Variants in CTNND2 observed in about 807,000 individuals in gnomAD.
CTNND2 encodes the protein catenin delta 2, also known as catenin delta-2.
In CTNND2, 22 loss-of-function variants were observed where a neutral mutation model predicts 144.4. That is an observed-to-expected ratio of 0.15 (90% CI 0.11 to 0.22). CTNND2 has a LOEUF of 0.22. Ranked by LOEUF, CTNND2 falls within the 10% of genes least tolerant of loss-of-function variation. The pLI is 1.00. For synonymous variants in CTNND2, 751 were observed against 695.6 expected (o/e 1.08, Z -1.25); for missense variants, 1,353 against 1,618.8 (o/e 0.84, Z 2.82).
intron 2 of CTNND2, among the ~76,000 whole-genome samples, chr5:11,668,900 A>C (rs1401487615): frequency 6.6e-6 from 1 of 151,952 alleles, no homozygotes; most frequent in Non-Finnish European, 1.5e-5. Flanking sequence ...TGGCTGTCGG[A>C]TTACCATAAA....
At chr5:11,696,433 G>C (rs1785143668) in intron 2 of CTNND2, among the ~76,000 whole-genome samples, 1 of 152,228 alleles carries the variant, frequency 6.6e-6, no homozygotes, top group South Asian at 2.1e-4. Flanking sequence ...TGCAGATTCA[G>C]TCAACTGCCC....
intron 1 of CTNND2, among the ~76,000 whole-genome samples, chr5:11,734,201 G>A (rs1787550220): frequency 1.3e-5 from 2 of 152,162 alleles, no homozygotes; most frequent in African/African-American, 4.8e-5. Flanking sequence ...TATGGTGTTT[G>A]GTTACTCTGG....
At chr5:11,095,104 T>C (rs1460176623) in intron 15 of CTNND2, among the ~76,000 whole-genome samples, 1 of 152,196 alleles carries the variant, frequency 6.6e-6, no homozygotes, top group Non-Finnish European at 1.5e-5. Flanking sequence ...AATATAAAAA[T>C]AGTAAATGCT....
chr5:11,304,212 T>C (rs965925716), intron 9 of CTNND2, among the ~76,000 whole-genome samples: 7 of 152,154 alleles, frequency 4.6e-5, no homozygotes, highest in Non-Finnish European at 8.8e-5. Context: ...TTATTGGTTG[T>C]TGAGGATTAA....
chr5:11,668,701 C>T (rs1485465767), intron 2 of CTNND2, among the ~76,000 whole-genome samples: 2 of 152,138 alleles, frequency 1.3e-5, no homozygotes, highest in South Asian at 2.1e-4. Context: ...ACAATCATGT[C>T]ATCTGCAAAC....
chr5:11,276,314 G>C (rs915044785), intron 9 of CTNND2, among the ~76,000 whole-genome samples: 3 of 151,908 alleles, frequency 2.0e-5, no homozygotes, highest in Admixed American at 6.6e-5. Flanking sequence ...GATGAAGATG[G>C]GCAGAGAACA....
chr5:11,162,687 G>A (rs1046059717), intron 11 of CTNND2, among the ~76,000 whole-genome samples: 2 of 148,232 alleles, frequency 1.3e-5, no homozygotes, highest in African/African-American at 2.4e-5. Context: ...GATGGAACGC[G>A]GCAGATTTTC....
intron 1 of CTNND2, among the ~76,000 whole-genome samples, chr5:11,823,968 C>T (rs933219326): frequency 2.6e-5 from 4 of 151,476 alleles, no homozygotes; most frequent in Admixed American, 6.6e-5. Context: ...ATTAGCTGGG[C>T]ATGGTGGCGG....
chr5:11,692,296 G>A (rs7706517), intron 2 of CTNND2, among the ~76,000 whole-genome samples: 39,269 of 151,640 alleles, frequency 0.26, 9,112 homozygotes, highest in African/African-American at 0.63. Flanking sequence ...ATTTTAAAAA[G>A]TAAAAGAATA....
At position 11,689,346 on chromosome 5, in the gene CTNND2, T is replaced by C. The variant is rs1455700042; in HGVS notation, c.174+42790A>G. 2.6e-5 allele frequency among the ~76,000 whole-genome samples: 4 copies of C among 152,242 alleles called. No individual in the cohort carries two copies. The East Asian group carries it at 7.7e-4, about 29-fold the overall frequency. Reference sequence around the variant, plus strand: ...GTATTAAAAATGATGAACTGTTCTATGATGGTAAAACATAATTAAAATCTC... The same window carrying C: ...GTATTAAAAATGATGAACTGTTCTACGATGGTAAAACATAATTAAAATCTC... On this transcript the variant is annotated intron_variant, in intron 2 of 21. Transcript: ENST00000304623.
At chr5:11,597,706 T>C (rs1222413700) in intron 2 of CTNND2, among the ~76,000 whole-genome samples, 1 of 152,092 alleles carries the variant, frequency 6.6e-6, no homozygotes, top group Non-Finnish European at 1.5e-5. Context: ...TCCAAGTAGA[T>C]GGGACTACAG....
intron 11 of CTNND2, among the ~76,000 whole-genome samples, chr5:11,172,398 T>C (rs1305216554): frequency 6.6e-6 from 1 of 152,208 alleles, no homozygotes; most frequent in South Asian, 2.1e-4. Flanking sequence ...ACTGAACAAC[T>C]TCATTCATTT....
chr5:11,419,795 T>C (rs1762220818), intron 3 of CTNND2, among the ~76,000 whole-genome samples: 1 of 152,212 alleles, frequency 6.6e-6, no homozygotes, highest in Non-Finnish European at 1.5e-5. Flanking sequence ...AAACCATTAC[T>C]AGAGATATTC....
intron 9 of CTNND2, among the ~76,000 whole-genome samples, chr5:11,316,621 T>C (rs1751527767): frequency 6.6e-6 from 1 of 151,692 alleles, no homozygotes; most frequent in Non-Finnish European, 1.5e-5. Flanking sequence ...AGGTATATCT[T>C]CCAATGCTAT....
intron 10 of CTNND2, among the ~76,000 whole-genome samples, chr5:11,235,909 A>G (rs956447587): frequency 6.6e-6 from 1 of 152,210 alleles, no homozygotes; most frequent in African/African-American, 2.4e-5. Context: ...ATTTAGACTC[A>G]TCCTCAGAAT....
chr5:11,644,995 C>T (rs1782273557), intron 2 of CTNND2, among the ~76,000 whole-genome samples: 1 of 152,130 alleles, frequency 6.6e-6, no homozygotes, highest in African/African-American at 2.4e-5. Context: ...CGGGGTCTCA[C>T]TCTGTCACCC....
At chr5:11,044,155 G>T (rs1220924620) in intron 16 of CTNND2, among the ~76,000 whole-genome samples, 1 of 152,140 alleles carries the variant, frequency 6.6e-6, no homozygotes, top group Admixed American at 6.5e-5. Flanking sequence ...CGTGACAGGA[G>T]GTCCTTTCCC....
chr5:11,765,722 G>A (rs1789546595), intron 1 of CTNND2, among the ~76,000 whole-genome samples: 1 of 152,094 alleles, frequency 6.6e-6, no homozygotes, highest in African/African-American at 2.4e-5. Flanking sequence ...GGGATAAATT[G>A]GAGATGCAAG....
chr5:11,756,908 A>G (rs6860617), intron 1 of CTNND2, among the ~76,000 whole-genome samples: 12,164 of 151,704 alleles, frequency 0.08, 1,293 homozygotes, highest in African/African-American at 0.24. Flanking sequence ...GTATTTTAAG[A>G]ATACATTTAA....
Sources: gnomAD v4.1 joint callset for allele counts (sites outside exome capture counted in the v4.1 genomes callset) on GRCh38, gnomAD v4.1.1 for gene constraint, MANE v1.5 for transcripts, NCBI Gene and HGNC (gene_info 2026-07-23, HGNC 2026-07-21) for gene names.